Variants in SEZ6L2 observed in about 807,000 individuals in gnomAD.
SEZ6L2 encodes seizure 6-like protein 2.
Under a neutral mutation model 97.0 loss-of-function variants are expected in SEZ6L2, and 44 were observed. The observed-to-expected ratio is 0.45, with a 90% CI of 0.36 to 0.58. The LOEUF (loss-of-function observed/expected upper bound fraction) is 0.58, where lower values mean the gene tolerates loss of function less well. Ranked by LOEUF, SEZ6L2 falls within the 20% of genes least tolerant of loss-of-function variation. The pLI is 0.00. For synonymous variants in SEZ6L2, 543 were observed against 546.1 expected, an observed-to-expected ratio of 0.99 and a Z score of 0.08; for missense variants, 1,086 against 1,233.3, an observed-to-expected ratio of 0.88 and a Z score of 1.79.
rs1301065931 is a variant in SEZ6L2 at position 29,873,452 on chromosome 16, A to T, written c.2297-21T>A. The T allele has an allele frequency of 6.2e-7, 1 of 1,614,128 alleles. No homozygotes were observed. Among genetic ancestry groups the T allele is most frequent in the Admixed American group, 1.7e-5 (1 of 60,026 alleles). On this transcript the variant is annotated intron_variant, in intron 13 of 17. Transcript: ENST00000617533. This position sits in a 1 kb window ranked among gnomAD's most constrained non-coding sequence, Gnocchi z 4.3. ...CTTCACTGCGGGGAGCATGCCAGTC[A>T]CGTGCCAGCTGCACTACTGTGCACG...
chr16:29,887,703 C>T lies in SEZ6L2; in HGVS notation c.1154G>A (p.Gly385Glu), dbSNP rs1209948964. 1.2e-6 allele frequency: 2 copies of T among 1,610,844 alleles called. No homozygotes were observed. Among genetic ancestry groups the T allele is most frequent in the African/African-American group, 1.3e-5 (1 of 74,774 alleles). The change falls in exon 7 of 18, where the codon GGG becomes GAG. Residue 385 changes from glycine to glutamate, a missense_variant. Physicochemically the swap from Gly to Glu is moderately conservative, Grantham distance 98. Transcript: ENST00000617533. Reference protein sequence around the residue: ...TCRWVIEAAEGRRLHLHFERV... With the variant: ...TCRWVIEAAEERRLHLHFERV... ...TTCAAAGTGCAGGTGCAGCCGGCGC[C>T]CCTCAGCTGCTTCAATGACCCAACG... is the stretch of plus-strand genomic sequence containing the variant.
At chr16:29,891,866 TAAAAG>T (rs1401109308) in intron 5 of SEZ6L2, among the ~76,000 whole-genome samples, 1 of 152,086 alleles carries the variant, frequency 6.6e-6, no homozygotes, top group African/African-American at 2.4e-5. Flanking sequence ...GAAAATTAAA[TAAAAG>T]AAACACGCAA....
intron 8 of SEZ6L2, among the ~76,000 whole-genome samples, chr16:29,882,733 G>A (rs1358461950): frequency 1.3e-5 from 2 of 152,164 alleles, no homozygotes; most frequent in African/African-American, 4.8e-5. Flanking sequence ...GACCACAAGT[G>A]TGCACCACCA....
intron 8 of SEZ6L2, among the ~76,000 whole-genome samples, chr16:29,881,037 G>A (rs976666906): frequency 4.0e-5 from 6 of 151,792 alleles, no homozygotes; most frequent in Non-Finnish European, 7.4e-5. Context: ...GCCTCCCAAA[G>A]TGCTGGGATT....
intron 14 of SEZ6L2, among the ~76,000 whole-genome samples, 163 bp from the exon 15 acceptor site, chr16:29,872,906 C>A (rs1415312578): frequency 2.0e-5 from 3 of 152,230 alleles, no homozygotes; most frequent in African/African-American, 7.2e-5. Flanking sequence ...GAGTGACCAG[C>A]ACAGGGCCTT....
In SEZ6L2 at chr16:29,881,822, G is replaced by T. The variant is rs1445209248; in HGVS notation, c.1373-1758C>A. Among the ~76,000 whole-genome samples, 6 of 144,466 alleles carry T rather than the reference G, an allele frequency of 4.2e-5. No individual in the cohort carries two copies. The Admixed American group carries it at 4.2e-4, about 10-fold the overall frequency. The allele number at this position is 144,466 out of a possible 152,430, so 94.8% of individuals were successfully genotyped here. ...TTTGTATTTTTTTAGTAGAGATGGG[G>T]TTTTACCATGTTGGCCAGGCTGGTC... On this transcript the variant is annotated intron_variant, in intron 8 of 17. Transcript: ENST00000617533.
chr16:29,879,733 C>A (rs1432695775), intron 9 of SEZ6L2, 131 bp downstream of exon 9: 1 of 814,136 alleles, frequency 1.2e-6, no homozygotes, highest in Non-Finnish European at 1.9e-6. Flanking sequence ...TCTGAAGGGA[C>A]AGGGATTTAC....
chr16:29,885,676 G>A lies in SEZ6L2; in HGVS notation c.1282C>T (p.Arg428Trp), dbSNP rs751685877. Reference sequence around the variant, plus strand: ...GACTGGGCGTCACTGATGAGACCCCGCTCGGGGACATCGTCCATGTCCGAA... The same window carrying A: ...GACTGGGCGTCACTGATGAGACCCCACTCGGGGACATCGTCCATGTCCGAA... ...YDSDMDDVPERGLISDAQSLY... is the reference protein window; with the variant it reads ...YDSDMDDVPEWGLISDAQSLY... Residue 428 changes from arginine to tryptophan, a missense_variant, in exon 8 of 18, where the codon CGG becomes TGG. Around this residue, in one of 2 missense-constraint regions of SEZ6L2, gnomAD observed 776 missense variants for 794.7 expected, o/e 0.98. Coordinates refer to ENST00000617533, the MANE Select transcript of SEZ6L2 (RefSeq NM_001243332.2). The A allele has an allele frequency of 6.0e-5, 97 of 1,613,868 alleles. No homozygotes were observed. Among genetic ancestry groups the A allele is most frequent in the African/African-American group, 8.0e-5 (6 of 74,896 alleles).
At chr16:29,890,652 C>T (rs886976947) in intron 5 of SEZ6L2, among the ~76,000 whole-genome samples, 1 of 151,936 alleles carries the variant, frequency 6.6e-6, no homozygotes. Flanking sequence ...TCCAGGAAGC[C>T]TTCCTGACTC....
intron 1 of SEZ6L2, among the ~76,000 whole-genome samples, chr16:29,898,313 C>T (rs2068451295): frequency 6.6e-6 from 1 of 152,214 alleles, no homozygotes; most frequent in Admixed American, 6.5e-5. Context: ...CAGTGGTGAT[C>T]TCCCCCCAAC....
chr16:29,886,089 A>G (rs2068134910), intron 7 of SEZ6L2: 1 of 178,758 alleles, frequency 5.6e-6, no homozygotes, highest in East Asian at 1.5e-4. Context: ...TTGACCAGGC[A>G]TGGTGGCTCA....
Position 29,885,613 on chromosome 16 carries a change from G to C in SEZ6L2, c.1345C>G (p.Pro449Ala). Residue 449 changes from proline to alanine, a missense_variant, in exon 8 of 18, where the codon CCC becomes GCC. This residue lies in a region of SEZ6L2 where 776 missense variants were observed against 794.7 expected (regional missense o/e 0.98). Coordinates refer to ENST00000617533, the MANE Select transcript of SEZ6L2 (RefSeq NM_001243332.2). ...TCAAATCGAAGGCTTAACAGCAGGG[G>C]ATTGGCAGGTGTCTCTGACAGCAGC... Reference protein sequence around the residue: ...VELLSETPANPLLLSLRFEAF... With the variant: ...VELLSETPANALLLSLRFEAF... 1 of 1,614,038 alleles carries C rather than the reference G, an allele frequency of 6.2e-7. No homozygotes were observed.
intron 5 of SEZ6L2, among the ~76,000 whole-genome samples, chr16:29,893,555 G>A (rs1232318542): frequency 1.3e-5 from 2 of 151,284 alleles, no homozygotes; most frequent in East Asian, 2.0e-4. Flanking sequence ...GCTGAGACAG[G>A]AGAATCATCT....
At chr16:29,896,390 C>T (rs554039149) in intron 3 of SEZ6L2, among the ~76,000 whole-genome samples, 2 of 152,308 alleles carry the variant, frequency 1.3e-5, no homozygotes, top group East Asian at 1.9e-4. Context: ...AGCAATTCTC[C>T]TGCCTCAGCC....
chr16:29,897,252 C>G, intron 2 of SEZ6L2, 131 bp from the exon 3 acceptor site: 1 of 771,806 alleles, frequency 1.3e-6, no homozygotes, highest in Non-Finnish European at 2.0e-6. Flanking sequence ...TACAGCACCC[C>G]CCACCTTTCC....
chr16:29,888,653 C>T lies in SEZ6L2; in HGVS notation c.926G>A (p.Gly309Glu). The change falls in exon 6 of 18, where the codon GGG becomes GAG. Residue 309 changes from glycine (G) to glutamate (E), a missense_variant. Around this residue, in one of 2 missense-constraint regions of SEZ6L2, gnomAD observed 776 missense variants for 794.7 expected, o/e 0.98. Transcript: ENST00000617533. ...ATCACAGTGAAAGGTGGCAGTGCCC[C>T]CAGGGTGCAGGTCCGTCACACTCAC... ...GDVSVTDLHP[G>E]GTATFHCDSG... 1 of 1,614,056 alleles carries T rather than the reference C, an allele frequency of 6.2e-7. No individual in the cohort carries two copies. The highest frequency in any genetic ancestry group is 1.1e-5 in the South Asian group (1 of 91,076).
rs2067819206 is a variant in SEZ6L2 at position 29,873,014 on chromosome 16, G to A, written c.2488+226C>T. Among the ~76,000 whole-genome samples the A allele has an allele frequency of 1.3e-5, 2 of 152,244 alleles. No individual in the cohort carries two copies. The highest frequency in any genetic ancestry group is 2.9e-5 in the Non-Finnish European group (2 of 68,044). On this transcript the variant is annotated intron_variant, in intron 14 of 17. Coordinates refer to ENST00000617533, the MANE Select transcript of SEZ6L2 (RefSeq NM_001243332.2). The surrounding 1 kb of genome is among the most constrained non-coding windows in gnomAD (Gnocchi z 4.3). ...ATAGGGAAACTGAGGCCTATTCAGA[G>A]CAAGGGACTTCCAAGCCAAGGCCCC... is the stretch of plus-strand genomic sequence containing the variant.
Position 29,899,107 on chromosome 16 carries a change from ATTGT to A in SEZ6L2, c.-92_-89del, listed in dbSNP as rs2068474552. 6.1e-5 allele frequency: 42 copies of A among 688,554 alleles called. No individual in the cohort carries two copies. Among genetic ancestry groups the A allele is most frequent in the East Asian group, 1.0e-4 (3 of 28,766 alleles). 42.7% of individuals were successfully genotyped at this position (688,554 alleles called of 1,614,324 possible). A position where few individuals can be genotyped will look rare whatever the true frequency, so the allele number is the denominator to read the frequency against. On this transcript the variant is annotated 5_prime_UTR_variant, in exon 1 of 18. Transcript: ENST00000617533. ...CCGTCTCCGTTTATCTTTCCCTTTA[ATTGT>A]TTTTTTTTTTTTTTTTTTTTTCCTC...
intron 8 of SEZ6L2, 123 bp downstream of exon 8, chr16:29,885,463 C>G: frequency 9.4e-7 from 1 of 1,060,666 alleles, no homozygotes; most frequent in South Asian, 1.6e-5. Flanking sequence ...GGAAGCGAGT[C>G]ACGTTTCAAG....
Sources: gnomAD v4.1 joint callset for allele counts (sites outside exome capture counted in the v4.1 genomes callset) on GRCh38, gnomAD v4.1.1 for gene constraint, gnomAD v4.1.1 regional missense constraint, Gnocchi (gnomAD v3.1) non-coding constraint, MANE v1.5 for transcripts, NCBI Gene and HGNC (gene_info 2026-07-23, HGNC 2026-07-21) for gene names.